Variants in INTS3 observed in about 807,000 individuals in gnomAD.
The protein encoded by INTS3 is integrator complex subunit 3.
A neutral mutation model predicts 146.3 loss-of-function variants in INTS3; 34 were observed. The ratio of observed to expected loss-of-function variants is 0.23; its 90% confidence interval spans 0.18 to 0.31. The LOEUF (loss-of-function observed/expected upper bound fraction) is 0.31. INTS3 is among the 10% of genes least tolerant of loss of function. The probability of loss-of-function intolerance (pLI) is 1.00; values close to 1 mark genes in which losing one functional copy is unlikely to be tolerated. For missense variants in INTS3, 757 were observed against 1,304.2 expected, an observed-to-expected ratio of 0.58 and a Z score of 6.46; for synonymous variants, 475 against 494.9, an observed-to-expected ratio of 0.96 and a Z score of 0.53.
chr1:153,760,744 C>A, intron 12 of INTS3, 83 bp from the exon 13 acceptor site: 1 of 1,164,150 alleles, frequency 8.6e-7, no homozygotes, highest in African/African-American at 1.5e-5. Flanking sequence ...TGATCAAAAC[C>A]AAAGCAGCTT....
rs1318836524 is a variant in INTS3, at chr1:153,773,095, C to T, written c.3051+14C>T. 1 of 1,614,160 alleles carries T rather than the reference C, an allele frequency of 6.2e-7. No homozygotes were observed. Among genetic ancestry groups the T allele is most frequent in the Non-Finnish European group, 8.5e-7 (1 of 1,180,028 alleles). The stretch of plus-strand genomic sequence containing the variant: ...AGCAGTGCTTCAGTGAGAACCCAGC[C>T]AGTGCACAGGGGGAAAAGGAGCACT... On this transcript the variant is annotated intron_variant, in intron 29 of 29. Transcript: ENST00000318967.
chr1:153,762,600 T>A, intron 14 of INTS3, 128 bp from the exon 15 acceptor site: 1 of 1,131,152 alleles, frequency 8.8e-7, no homozygotes, highest in Non-Finnish European at 1.3e-6. Flanking sequence ...CCTCCCAGGG[T>A]CAGTATTCCA....
intron 17 of INTS3, 109 bp downstream of exon 17, chr1:153,763,995 A>G: frequency 7.8e-7 from 1 of 1,289,068 alleles, no homozygotes; most frequent in South Asian, 1.2e-5. Flanking sequence ...AGTCCCTCTT[A>G]TAGTGGGGAG....
intron 5 of INTS3, chr1:153,747,811 G>T: frequency 5.2e-6 from 1 of 192,976 alleles, no homozygotes; most frequent in Non-Finnish European, 1.1e-5. Context: ...CCAGAATGAG[G>T]GACAAACTAT....
At chr1:153,760,799 C>T in intron 12 of INTS3, 28 bp from the exon 13 acceptor site, 11 of 1,569,478 alleles carry the variant, frequency 7.0e-6, no homozygotes, top group Non-Finnish European at 9.7e-6. Context: ...GTCCTGTGCT[C>T]ATTTTTCCCC....
At chr1:153,752,550 C>T in intron 8 of INTS3, 142 bp downstream of exon 8, 1 of 783,534 alleles carries the variant, frequency 1.3e-6, no homozygotes, top group Non-Finnish European at 2.0e-6. Context: ...GCAAGCTTTG[C>T]CAAGTACAAC....
At chr1:153,756,395 G>A (rs977455752) in intron 9 of INTS3, among the ~76,000 whole-genome samples, 23 of 151,808 alleles carry the variant, frequency 1.5e-4, no homozygotes, top group African/African-American at 5.3e-4. Context: ...AGAGCCTGGT[G>A]CAGTGGCATG....
intron 11 of INTS3, chr1:153,759,932 G>C (rs1022458813): frequency 4.0e-6 from 2 of 497,670 alleles, no homozygotes; most frequent in African/African-American, 3.8e-5. Context: ...TGAATGCTGG[G>C]AACAAGAAGG....
At chr1:153,745,058 T>G (rs756811138) in intron 3 of INTS3, among the ~76,000 whole-genome samples, 35 of 151,942 alleles carry the variant, frequency 2.3e-4, no homozygotes, top group Non-Finnish European at 4.7e-4. Flanking sequence ...AAGGTTGTTA[T>G]GTATATCAAA....
At position 153,751,120 on chromosome 1, in the gene INTS3, C is replaced by G. The variant is rs766485918; in HGVS notation, c.610C>G (p.Leu204Val). Residue 204 changes from leucine to valine, a missense_variant, in exon 7 of 30, where the codon CTC becomes GTC. Coordinates refer to ENST00000318967, the MANE Select transcript of INTS3 (RefSeq NM_023015.5). The stretch of plus-strand genomic sequence containing the variant: ...GGAGTGGGTCCTGAAGAGCAGCATC[C>G]TCATTGCCATGGCTGTTTACACGTA... ...QREWVLKSSI[L>V]IAMAVYTYLR... 29 of 1,614,074 alleles carry G rather than the reference C, an allele frequency of 1.8e-5. No individual in the cohort carries two copies. The highest frequency in any genetic ancestry group is 2.4e-5 in the Non-Finnish European group (28 of 1,180,034).
intron 22 of INTS3, 55 bp downstream of exon 22, chr1:153,769,016 T>C (rs899185785): frequency 2.9e-5 from 40 of 1,394,196 alleles, no homozygotes; most frequent in East Asian, 6.8e-5. Context: ...ATTAGGGACA[T>C]AGGGCCTCTG....
chr1:153,764,639 T>C, intron 18 of INTS3, 51 bp from the exon 19 acceptor site: 3 of 1,371,122 alleles, frequency 2.2e-6, no homozygotes, highest in Non-Finnish European at 3.1e-6. Context: ...CCTCCGTATG[T>C]GCCAGCAGCC....
chr1:153,772,008 A>G lies in INTS3; in HGVS notation c.2720+45A>G, dbSNP rs766693733. ...TACCCTCCAGGCCATGGCGGTCTGC[A>G]GTGATTGCTGTCGGTGGTGGTGGTG... is the stretch of plus-strand genomic sequence containing the variant. On this transcript the variant is annotated intron_variant, in intron 26 of 29. Transcript: ENST00000318967. This position sits in a 1 kb window ranked among gnomAD's most constrained non-coding sequence, Gnocchi z 4.6. The G allele has an allele frequency of 8.3e-6, 12 of 1,452,526 alleles. No homozygotes were observed. In the South Asian group the frequency reaches 1.4e-4, roughly 17 times the overall value. The allele number at this position is 1,452,526 out of a possible 1,614,324, so 90.0% of individuals were successfully genotyped here.
intron 1 of INTS3, among the ~76,000 whole-genome samples, chr1:153,739,825 C>G (rs919439934): frequency 2.6e-5 from 4 of 151,426 alleles, no homozygotes; most frequent in Non-Finnish European, 5.9e-5. Context: ...GACAGAGTCT[C>G]GCTCTGTCGC....
intron 9 of INTS3, among the ~76,000 whole-genome samples, chr1:153,756,939 G>A (rs373920370): frequency 8.5e-5 from 13 of 152,278 alleles, no homozygotes; most frequent in African/African-American, 3.1e-4. Flanking sequence ...GTATCTTTTT[G>A]TTTGTTTTTT....
At chr1:153,745,356 C>T (rs1671690077) in intron 3 of INTS3, among the ~76,000 whole-genome samples, 1 of 151,918 alleles carries the variant, frequency 6.6e-6, no homozygotes, top group Admixed American at 6.6e-5. Flanking sequence ...GGAGTTTCAC[C>T]ATGTTGGCCA....
chr1:153,758,889 C>G (rs1332780801), intron 10 of INTS3, among the ~76,000 whole-genome samples: 1 of 152,018 alleles, frequency 6.6e-6, no homozygotes, highest in Non-Finnish European at 1.5e-5. Context: ...GGGAGGATCA[C>G]TTGAGCCCAG....
At chr1:153,736,849 C>T (rs1305569856) in intron 1 of INTS3, among the ~76,000 whole-genome samples, 2 of 141,242 alleles carry the variant, frequency 1.4e-5, no homozygotes, top group Non-Finnish European at 3.0e-5. Flanking sequence ...CTGCAAGCTT[C>T]GCCGACCGGG....
At chr1:153,755,419 C>G (rs1672124492) in intron 9 of INTS3, among the ~76,000 whole-genome samples, 1 of 152,082 alleles carries the variant, frequency 6.6e-6, no homozygotes. Context: ...ATGCACCACA[C>G]CTGGCAAATT....
Sources: gnomAD v4.1 joint callset for allele counts (sites outside exome capture counted in the v4.1 genomes callset) on GRCh38, gnomAD v4.1.1 for gene constraint, Gnocchi (gnomAD v3.1) non-coding constraint, MANE v1.5 for transcripts, NCBI Gene and HGNC (gene_info 2026-07-23, HGNC 2026-07-21) for gene names.